The following WWP1 variants were observed in gnomAD, a reference collection of about 807,000 sequenced individuals.
WWP1 encodes NEDD4-like E3 ubiquitin-protein ligase WWP1.
In WWP1, 49 loss-of-function variants were observed where a neutral mutation model predicts 130.6. The ratio of observed to expected loss-of-function variants is 0.38; its 90% CI spans 0.30 to 0.48. The LOEUF is 0.48. WWP1 is among the 20% of genes least tolerant of loss of function. The pLI, the probability that WWP1 is intolerant of heterozygous loss-of-function variation, is 0.99. For missense variants in WWP1, 809 were observed against 1,100.6 expected (o/e 0.74, Z 3.75); for synonymous variants, 332 against 367.8 (o/e 0.90, Z 1.11).
At chr8:86,381,682 T>A in intron 5 of WWP1, 53 bp downstream of exon 5, 1 of 1,479,246 alleles carries the variant, frequency 6.8e-7, no homozygotes. Flanking sequence ...TTAGACACTT[T>A]GAACATATCC....
chr8:86,468,391 T>G lies in WWP1; in HGVS notation c.*1498T>G, dbSNP rs766706200. 2.2e-6 allele frequency: 1 copy of G among 452,618 alleles called. No individual in the cohort carries two copies. Among genetic ancestry groups the G allele is most frequent in the Non-Finnish European group, 4.4e-6 (1 of 226,250 alleles). 28.0% of individuals were successfully genotyped at this position (452,618 alleles called of 1,614,324 possible). Reference sequence around the variant, plus strand: ...TGGTTGAATAGACTCCTTTTCCAAATCCTTATTATGAACACTCTGGTAATT... The same window carrying G: ...TGGTTGAATAGACTCCTTTTCCAAAGCCTTATTATGAACACTCTGGTAATT... On this transcript the variant is annotated 3_prime_UTR_variant, in exon 25 of 25. Transcript: ENST00000517970.
chr8:86,428,461 A>G (rs1809752783), intron 11 of WWP1, among the ~76,000 whole-genome samples: 1 of 152,224 alleles, frequency 6.6e-6, no homozygotes, highest in Admixed American at 6.5e-5. Context: ...ACAACTACAG[A>G]TAGTGTTTTG....
rs1489811929 is a variant in WWP1, at chr8:86,425,247, T to C, written c.1086T>C (p.His362=). The change falls in exon 10 of 25, where the codon CAT becomes CAC. Residue 362 remains histidine (H), a synonymous_variant. Coordinates refer to ENST00000517970, the MANE Select transcript of WWP1 (RefSeq NM_007013.4). The part of the protein sequence containing the change: ...PSGWEQRKDP[H]GRTYYVDHNT... Reference sequence around the variant, plus strand: ...GGTGGGAACAAAGAAAAGATCCTCATGGTAGAACCTATTATGTGGATCATA... The same window carrying C: ...GGTGGGAACAAAGAAAAGATCCTCACGGTAGAACCTATTATGTGGATCATA... 1.2e-6 allele frequency: 2 copies of C among 1,612,504 alleles called. No homozygotes were observed. The highest frequency in any genetic ancestry group is 1.7e-5 in the Admixed American group (1 of 59,796).
At chr8:86,349,914 T>G (rs1822819853) in intron 1 of WWP1, among the ~76,000 whole-genome samples, 1 of 152,018 alleles carries the variant, frequency 6.6e-6, no homozygotes, top group Admixed American at 6.6e-5. Flanking sequence ...TCTGCCCTTG[T>G]GATTGGATTT....
chr8:86,369,923 T>C (rs946598095), intron 2 of WWP1, among the ~76,000 whole-genome samples: 2 of 152,066 alleles, frequency 1.3e-5, no homozygotes, highest in African/African-American at 4.8e-5. Context: ...AAAACCCATG[T>C]AATTTGAGTG....
At chr8:86,362,538 T>C (rs1823731434) in intron 1 of WWP1, among the ~76,000 whole-genome samples, 2 of 152,076 alleles carry the variant, frequency 1.3e-5, no homozygotes, top group African/African-American at 4.8e-5. Flanking sequence ...GACATCATTA[T>C]TTTAGGAAGT....
intron 18 of WWP1, among the ~76,000 whole-genome samples, chr8:86,445,976 C>CTTTTTTTTTTT (rs56731329): frequency 3.5e-4 from 30 of 84,986 alleles, no homozygotes; most frequent in Non-Finnish European, 5.9e-4. Context: ...CTTTTCTTTT[C>CTTTTTTTTTTT]TTTTTTTTTT....
rs555585296 is a variant in WWP1, at chr8:86,370,855, C to CTTTTTTTTTTTTTTTTTTTTTTTTTT, written c.-22+1827_-22+1852dup. ...GGTATTGCTTATAGCTATATTCATT[C>CTTTTTTTTTTTTTTTTTTTTTTTTTT]TTTTTTTTTTTTTTTTTTTTTTTTT... On this transcript the variant is annotated intron_variant, in intron 2 of 24. Transcript: ENST00000517970. Among the ~76,000 whole-genome samples the CTTTTTTTTTTTTTTTTTTTTTTTTTT allele has an allele frequency of 8.9e-5, 4 of 44,862 alleles. 2 individuals carry two copies. The highest frequency in any genetic ancestry group is 4.2e-4 in the African/African-American group (4 of 9,634). The allele number at this position is 44,862 out of a possible 152,430, so 29.4% of individuals were successfully genotyped here.
chr8:86,442,813 T>C, intron 18 of WWP1, 35 bp downstream of exon 18: 2 of 1,548,374 alleles, frequency 1.3e-6, no homozygotes, highest in Non-Finnish European at 1.7e-6. Flanking sequence ...TTATTTAAGT[T>C]TGTTACAAAT....
chr8:86,421,554 G>A (rs567099843), intron 9 of WWP1, among the ~76,000 whole-genome samples: 3 of 152,292 alleles, frequency 2.0e-5, no homozygotes, highest in East Asian at 3.9e-4. Context: ...GCCGGGCATG[G>A]TGGCTCACGC....
At position 86,438,629 on chromosome 8, in the gene WWP1, A is replaced by C. The variant is rs747544213; in HGVS notation, c.1794A>C (p.Val598=). 2 of 1,608,742 alleles carry C rather than the reference A, an allele frequency of 1.2e-6. No homozygotes were observed. Among genetic ancestry groups the C allele is most frequent in the South Asian group, 2.2e-5 (2 of 89,510 alleles). Residue 598 remains valine (V), a synonymous_variant, in exon 17 of 25, where the codon GTA becomes GTC. Coordinates refer to ENST00000517970, the MANE Select transcript of WWP1 (RefSeq NM_007013.4). ...ATGACTTGAGGAGGCGCTTATATGTAATATTTAGAGGAGAAGAAGGACTTG... is the reference window on the plus strand; with the variant it reads ...ATGACTTGAGGAGGCGCTTATATGTCATATTTAGAGGAGAAGAAGGACTTG... ...KPYDLRRRLY[V]IFRGEEGLDY...
At chr8:86,372,017 ATTTTTTT>A (rs34458424) in intron 2 of WWP1, among the ~76,000 whole-genome samples, 13 of 70,194 alleles carry the variant, frequency 1.9e-4, no homozygotes, top group African/African-American at 7.2e-4. Context: ...TAATTTTTGT[ATTTTTTT>A]TTTTTTTTTT....
intron 22 of WWP1, among the ~76,000 whole-genome samples, chr8:86,458,792 T>C (rs988927903): frequency 6.6e-6 from 1 of 152,136 alleles, no homozygotes; most frequent in African/African-American, 2.4e-5. Context: ...TGTGAGTTTA[T>C]TGCTTGATAT....
At chr8:86,347,912 A>G (rs2130079681) in intron 1 of WWP1, among the ~76,000 whole-genome samples, 1 of 152,300 alleles carries the variant, frequency 6.6e-6, no homozygotes, top group Middle Eastern at 3.4e-3. Context: ...TGAGCCACCT[A>G]CATTACTCAA....
intron 1 of WWP1, among the ~76,000 whole-genome samples, chr8:86,364,362 C>T (rs1315600580): frequency 6.6e-6 from 1 of 152,082 alleles, no homozygotes; most frequent in East Asian, 1.9e-4. Flanking sequence ...AAAAGGGAAT[C>T]TACAGAAAAA....
intron 17 of WWP1, chr8:86,442,138 T>G (rs757068816): frequency 1.3e-5 from 2 of 152,734 alleles, no homozygotes; most frequent in African/African-American, 4.8e-5. Context: ...CCTAGAGTGC[T>G]TGTAAGAGTT....
At chr8:86,372,494 C>A (rs184494098) in intron 2 of WWP1, among the ~76,000 whole-genome samples, 5 of 152,286 alleles carry the variant, frequency 3.3e-5, no homozygotes. Context: ...CTTAAGAAAT[C>A]CTTCCATCCT....
chr8:86,428,228 A>G (rs944361585), intron 11 of WWP1, among the ~76,000 whole-genome samples: 3 of 152,198 alleles, frequency 2.0e-5, no homozygotes, highest in Non-Finnish European at 4.4e-5. Flanking sequence ...TTCTCTTCCC[A>G]GATTCTAAGA....
At chr8:86,378,057 AT>A (rs1351842048) in intron 3 of WWP1, among the ~76,000 whole-genome samples, 3 of 152,092 alleles carry the variant, frequency 2.0e-5, no homozygotes, top group African/African-American at 7.2e-5. Context: ...CTGTCAAACC[AT>A]TTTAATTATT....
Sources: gnomAD v4.1 joint callset for allele counts (sites outside exome capture counted in the v4.1 genomes callset) on GRCh38, gnomAD v4.1.1 for gene constraint, MANE v1.5 for transcripts, NCBI Gene and HGNC (gene_info 2026-07-23, HGNC 2026-07-21) for gene names.